Variants in TFAP2D observed in about 807,000 individuals in gnomAD.
The protein encoded by TFAP2D is transcription factor AP-2-delta.
In TFAP2D, 9 loss-of-function variants were observed where a neutral mutation model predicts 43.6. The observed-to-expected ratio is 0.21, with a 90% CI of 0.12 to 0.36. TFAP2D has a LOEUF of 0.36. Among genes scored for constraint, TFAP2D ranks in the 10% least tolerant of loss-of-function variants. The pLI is 1.00. For synonymous variants in TFAP2D, 256 were observed against 224.9 expected (o/e 1.14, Z -1.24); for missense variants, 513 against 561.4 (o/e 0.91, Z 0.87).
intron 3 of TFAP2D, 138 bp from the exon 4 acceptor site, chr6:50,728,718 C>A: frequency 3.9e-6 from 3 of 765,154 alleles, no homozygotes; most frequent in African/African-American, 3.5e-5. Context: ...CAGCTCCCTG[C>A]GATGATCTGG....
At chr6:50,761,620 C>A (rs1769365677) in intron 7 of TFAP2D, among the ~76,000 whole-genome samples, 1 of 151,968 alleles carries the variant, frequency 6.6e-6, no homozygotes, top group African/African-American at 2.4e-5. Flanking sequence ...AAGGTTGCTT[C>A]AGTCTATGTT....
Position 50,728,818 on chromosome 6 carries a change from A to G in TFAP2D, c.599-38A>G, listed in dbSNP as rs1445029384. 3.1e-6 allele frequency: 5 copies of G among 1,603,770 alleles called. No homozygotes were observed. In the East Asian group the frequency reaches 8.9e-5, roughly 29 times the overall value. Reference sequence around the variant, plus strand: ...GCCTCTCATGCAGTTAGCTTCTTTCACTGTCACTAACATGTTATATACTTT... The same window carrying G: ...GCCTCTCATGCAGTTAGCTTCTTTCGCTGTCACTAACATGTTATATACTTT... On this transcript the variant is annotated intron_variant, in intron 3 of 7. Transcript: ENST00000008391.
chr6:50,747,946 A>C (rs2113884323), intron 6 of TFAP2D, among the ~76,000 whole-genome samples: 1 of 152,218 alleles, frequency 6.6e-6, no homozygotes, highest in South Asian at 2.1e-4. Flanking sequence ...ATAGCTGCAC[A>C]TTTGCAGACC....
chr6:50,721,620 ACTT>A (rs997745760), intron 3 of TFAP2D, among the ~76,000 whole-genome samples: 61 of 152,332 alleles, frequency 4.0e-4, no homozygotes, highest in Middle Eastern at 3.4e-3. Context: ...AGCTCAGACT[ACTT>A]GTGTTCACCA....
At chr6:50,717,049 C>A (rs1768638995) in intron 2 of TFAP2D, among the ~76,000 whole-genome samples, 1 of 152,128 alleles carries the variant, frequency 6.6e-6, no homozygotes, top group Non-Finnish European at 1.5e-5. Flanking sequence ...TCACAAGGAT[C>A]CCCTTATGTC....
At chr6:50,738,369 G>A (rs1285585529) in intron 5 of TFAP2D, among the ~76,000 whole-genome samples, 1 of 151,898 alleles carries the variant, frequency 6.6e-6, no homozygotes, top group African/African-American at 2.4e-5. Flanking sequence ...TGAGGTCTTT[G>A]CATGCAGAAC....
chr6:50,722,504 T>C (rs184098300), intron 3 of TFAP2D, among the ~76,000 whole-genome samples: 1 of 152,022 alleles, frequency 6.6e-6, no homozygotes, highest in East Asian at 1.9e-4. Context: ...AGAAAGAAAA[T>C]CTCACTCTTT....
intron 7 of TFAP2D, among the ~76,000 whole-genome samples, chr6:50,772,060 C>T (rs1004906458): frequency 2.0e-5 from 3 of 152,040 alleles, no homozygotes; most frequent in East Asian, 1.9e-4. Flanking sequence ...TACTATGCAG[C>T]CATAAAAAAT....
intron 3 of TFAP2D, among the ~76,000 whole-genome samples, chr6:50,722,063 G>A (rs749967643): frequency 3.9e-5 from 6 of 152,286 alleles, no homozygotes; most frequent in South Asian, 4.1e-4. Flanking sequence ...TTGTTAAGTG[G>A]CAATTACATT....
intron 5 of TFAP2D, among the ~76,000 whole-genome samples, chr6:50,743,938 G>T (rs1703566344): frequency 6.6e-6 from 1 of 152,120 alleles, no homozygotes; most frequent in South Asian, 2.1e-4. Context: ...CTGGAGACAG[G>T]CAATCTTTGG....
At chr6:50,729,438 A>C in intron 5 of TFAP2D, 126 bp downstream of exon 5, 1 of 680,450 alleles carries the variant, frequency 1.5e-6, no homozygotes, top group Non-Finnish European at 2.5e-6. Context: ...AGTTAAGGTA[A>C]ATTTCCTAAA....
intron 5 of TFAP2D, among the ~76,000 whole-genome samples, chr6:50,735,258 G>A (rs2114042457): frequency 6.6e-6 from 1 of 152,190 alleles, no homozygotes; most frequent in Non-Finnish European, 1.5e-5. Context: ...CAGCATCATG[G>A]CATATTTTCC....
intron 3 of TFAP2D, among the ~76,000 whole-genome samples, chr6:50,723,574 G>A (rs770703639): frequency 1.3e-5 from 2 of 152,094 alleles, no homozygotes; most frequent in Non-Finnish European, 2.9e-5. Context: ...CTCAAGCCTC[G>A]CCTGCCTCCT....
At chr6:50,739,235 C>T (rs1199973748) in intron 5 of TFAP2D, among the ~76,000 whole-genome samples, 11 of 152,048 alleles carry the variant, frequency 7.2e-5, no homozygotes, top group Admixed American at 3.3e-4. Flanking sequence ...CCCCACCCCA[C>T]GACAGGCCCC....
chr6:50,758,057 G>T (rs1445553385), intron 7 of TFAP2D, among the ~76,000 whole-genome samples: 4 of 151,392 alleles, frequency 2.6e-5, no homozygotes, highest in African/African-American at 9.7e-5. Context: ...GGGCCATGAT[G>T]TTTTAATTGG....
In TFAP2D at chr6:50,719,112, G is replaced by C. The variant is rs775305882; in HGVS notation, c.560G>C (p.Gly187Ala). The change falls in exon 3 of 8, where the codon GGG becomes GCG. Residue 187 changes from glycine (G) to alanine (A), a missense_variant. Gly to Ala is a moderately conservative substitution (Grantham distance 60). This residue lies in a region of TFAP2D where 311 missense variants were observed against 316.2 expected (regional missense o/e 0.98). Coordinates refer to ENST00000008391, the MANE Select transcript of TFAP2D (RefSeq NM_172238.4). Reference protein sequence around the residue: ...DLQGSVEAQCGLVLNGQGGVI... With the variant: ...DLQGSVEAQCALVLNGQGGVI... The stretch of plus-strand genomic sequence containing the variant: ...AAGGGCTCTGTGGAGGCCCAGTGTG[G>C]GCTTGTTCTCAATGGCCAAGGTGGA... The C allele has an allele frequency of 6.2e-7, 1 of 1,613,894 alleles. No individual in the cohort carries two copies. Among genetic ancestry groups the C allele is most frequent in the Non-Finnish European group, 8.5e-7 (1 of 1,179,898 alleles).
At chr6:50,761,626 A>G (rs939995068) in intron 7 of TFAP2D, among the ~76,000 whole-genome samples, 1 of 152,064 alleles carries the variant, frequency 6.6e-6, no homozygotes, top group Non-Finnish European at 1.5e-5. Context: ...GCTTCAGTCT[A>G]TGTTTTAGAA....
At chr6:50,721,120 G>T (rs184442799) in intron 3 of TFAP2D, among the ~76,000 whole-genome samples, 2 of 152,294 alleles carry the variant, frequency 1.3e-5, no homozygotes, top group East Asian at 3.9e-4. Flanking sequence ...CAGAGCCACA[G>T]AAATTATCTT....
intron 2 of TFAP2D, among the ~76,000 whole-genome samples, chr6:50,718,832 T>A (rs1324574337): frequency 1.3e-5 from 2 of 152,200 alleles, no homozygotes; most frequent in Non-Finnish European, 2.9e-5. Context: ...GATGAAAGAC[T>A]CCCAGGCACT....
Sources: allele counts gnomAD v4.1 joint callset (sites outside exome capture counted in the v4.1 genomes callset), GRCh38; gene constraint gnomAD v4.1.1; regional missense constraint gnomAD v4.1.1; transcripts MANE v1.5; gene names NCBI Gene and HGNC (gene_info 2026-07-23, HGNC 2026-07-21).